Variants in ABCC10 observed in about 807,000 individuals in gnomAD.
The protein encoded by ABCC10 is ATP-binding cassette sub-family C member 10.
Under a neutral mutation model 143.2 loss-of-function variants are expected in ABCC10, and 110 were observed. The ratio of observed to expected loss-of-function variants is 0.77; its 90% confidence interval spans 0.66 to 0.90. The LOEUF is 0.90. Among genes scored for constraint, ABCC10 ranks in the 40% least tolerant of loss-of-function variants. The pLI is 0.00. For synonymous variants in ABCC10, 805 were observed against 846.7 expected (o/e 0.95, Z 0.85); for missense variants, 1,700 against 1,900.5 (o/e 0.89, Z 1.96).
In ABCC10 at chr6:43,450,327, G is replaced by A. The variant is rs1355738163; in HGVS notation, c.*236G>A. Reference sequence around the variant, plus strand: ...CCCTCTTGCATCTGGAACGCCAGGTGGGTTTTTCTGGCATAGGAGCCCACT... The same window carrying A: ...CCCTCTTGCATCTGGAACGCCAGGTAGGTTTTTCTGGCATAGGAGCCCACT... On this transcript the variant is annotated 3_prime_UTR_variant, in exon 22 of 22. Coordinates refer to ENST00000372530, the MANE Select transcript of ABCC10 (RefSeq NM_001198934.2). This position sits in a 1 kb window ranked among gnomAD's most constrained non-coding sequence, Gnocchi z 4.5. 2 of 838,784 alleles carry A rather than the reference G, an allele frequency of 2.4e-6. No individual in the cohort carries two copies. Among genetic ancestry groups the A allele is most frequent in the Non-Finnish European group, 3.5e-6 (2 of 573,650 alleles). 52.0% of individuals were successfully genotyped at this position (838,784 alleles called of 1,614,324 possible).
chr6:43,440,415 A>T (rs889989223), intron 8 of ABCC10, among the ~76,000 whole-genome samples: 1 of 152,160 alleles, frequency 6.6e-6, no homozygotes, highest in Non-Finnish European at 1.5e-5. Flanking sequence ...TTTGTTGTTC[A>T]TCTCTTTCCT....
chr6:43,449,834 G>C, intron 21 of ABCC10, 95 bp from the exon 22 acceptor site: 4 of 1,419,652 alleles, frequency 2.8e-6, no homozygotes, highest in Non-Finnish European at 3.9e-6. Context: ...GGACAGACCT[G>C]TGGTGTCCCG....
intron 15 of ABCC10, 77 bp downstream of exon 15, chr6:43,446,019 A>C (rs1243584178): frequency 6.8e-7 from 1 of 1,467,606 alleles, no homozygotes; most frequent in Non-Finnish European, 9.2e-7. Context: ...AGGAATATGC[A>C]GGGTATGGTT....
chr6:43,444,081 T>A, intron 11 of ABCC10, 71 bp downstream of exon 11: 2 of 1,608,814 alleles, frequency 1.2e-6, no homozygotes. Flanking sequence ...CTACAACGGC[T>A]GCCCGCTCCT....
At chr6:43,437,514 T>C (rs1054243443) in intron 6 of ABCC10, among the ~76,000 whole-genome samples, 1 of 151,072 alleles carries the variant, frequency 6.6e-6, no homozygotes, top group Non-Finnish European at 1.5e-5. Flanking sequence ...CTCTGCTTTT[T>C]CCCCTGAGAT....
At chr6:43,447,641 A>C in intron 17 of ABCC10, 43 bp from the exon 18 acceptor site, 1 of 1,608,762 alleles carries the variant, frequency 6.2e-7, no homozygotes, top group Non-Finnish European at 8.5e-7. Flanking sequence ...CATCTCCCCT[A>C]TCTCCCTTTC....
In ABCC10 at chr6:43,433,352, C is replaced by T. The variant is rs138248684; in HGVS notation, c.1372C>T (p.Arg458Trp). 3.5e-4 allele frequency: 570 copies of T among 1,607,830 alleles called. 1 individual carries two copies. The highest frequency in any genetic ancestry group is 8.3e-4 in the Middle Eastern group (5 of 6,034). Residue 458 changes from arginine to tryptophan, a missense_variant, in exon 3 of 22, where the codon CGG (arginine) becomes TGG (tryptophan). Physicochemically the swap from Arg to Trp is moderately radical, Grantham distance 101. Coordinates refer to ENST00000372530, the MANE Select transcript of ABCC10 (RefSeq NM_001198934.2). ...NQEMLQHKDARVKLVTELLSG... is the reference protein window; with the variant it reads ...NQEMLQHKDAWVKLVTELLSG... ...GGAAATGCTACAGCACAAGGATGCG[C>T]GGGTTAAGGTGAGCGGGTACTTGGG...
intron 2 of ABCC10, 129 bp downstream of exon 2, chr6:43,428,268 A>G (rs1409496597): frequency 3.6e-6 from 4 of 1,118,800 alleles, no homozygotes; most frequent in Admixed American, 6.0e-5. Context: ...ATAAAATCTA[A>G]GCATTGCTAC....
chr6:43,438,854 C>T (rs1581739601), intron 8 of ABCC10, 59 bp downstream of exon 8: 2 of 1,581,820 alleles, frequency 1.3e-6, no homozygotes, highest in East Asian at 4.5e-5. Flanking sequence ...CCTGACACCT[C>T]AAACCAGGAG....
rs996966896 is a variant in ABCC10 at position 43,431,888 on chromosome 6, G to C, written c.162-254G>C. The C allele has an allele frequency of 3.0e-6, 4 of 1,350,402 alleles. No homozygotes were observed. The Admixed American group carries it at 1.4e-4, about 46-fold the overall frequency. 83.7% of individuals were successfully genotyped at this position (1,350,402 alleles called of 1,614,324 possible). On this transcript the variant is annotated intron_variant, in intron 2 of 21. Transcript: ENST00000372530. ...TAAAAAAAAACATGAATCAGAAATG[G>C]TGTGGGTAGTTTAGAAAATGAGTTA...
At chr6:43,437,750 C>T (rs924619769) in intron 6 of ABCC10, among the ~76,000 whole-genome samples, 184 bp from the exon 7 acceptor site, 1 of 151,754 alleles carries the variant, frequency 6.6e-6, no homozygotes, top group Non-Finnish European at 1.5e-5. Context: ...AAACACCCTA[C>T]TTTTCTAGAG....
intron 5 of ABCC10, 79 bp downstream of exon 5, chr6:43,435,986 C>T (rs943362419): frequency 1.2e-6 from 2 of 1,602,702 alleles, no homozygotes; most frequent in African/African-American, 1.3e-5. Context: ...GCATAGATGT[C>T]ACCAAGAGGG....
At chr6:43,437,233 C>T (rs1305880789) in intron 6 of ABCC10, among the ~76,000 whole-genome samples, 1 of 152,040 alleles carries the variant, frequency 6.6e-6, no homozygotes, top group East Asian at 1.9e-4. Flanking sequence ...GAGAAGCTGC[C>T]TCTGGGACCT....
intron 9 of ABCC10, 76 bp downstream of exon 9, chr6:43,442,036 AGG>A: frequency 7.7e-7 from 1 of 1,303,316 alleles, no homozygotes; most frequent in Non-Finnish European, 1.1e-6. Flanking sequence ...CTGAGTTAGG[AGG>A]ATAGGAATAT....
rs1228460727 is a variant in ABCC10 at position 43,445,197 on chromosome 6, T to TGCGA, written c.2914_2917dup (p.Thr973SerfsTer60). ...ACATCCGTTTCTACCTCACCGTGTA[T>TGCGA]GCGACCATTGCTGGTGTAAATTCCC... is the stretch of plus-strand genomic sequence containing the variant. On this transcript the variant is annotated frameshift_variant, in exon 14 of 22. Coordinates refer to ENST00000372530, the MANE Select transcript of ABCC10 (RefSeq NM_001198934.2). LOFTEE classifies it high-confidence loss of function. 1.9e-6 allele frequency: 3 copies of TGCGA among 1,613,942 alleles called. No individual in the cohort carries two copies. Among genetic ancestry groups the TGCGA allele is most frequent in the Non-Finnish European group, 1.7e-6 (2 of 1,179,982 alleles).
chr6:43,437,512 T>C (rs934752343), intron 6 of ABCC10, among the ~76,000 whole-genome samples: 10 of 151,782 alleles, frequency 6.6e-5, no homozygotes, highest in African/African-American at 2.4e-4. Flanking sequence ...AGCTCTGCTT[T>C]TTCCCCTGAG....
rs1207566699 is a variant in ABCC10, at chr6:43,443,802, A to G, written c.2417-131A>G. 5.1e-5 allele frequency: 47 copies of G among 915,006 alleles called. No homozygotes were observed. Among genetic ancestry groups the G allele is most frequent in the Non-Finnish European group, 8.0e-5 (45 of 560,788 alleles). 56.7% of individuals were successfully genotyped at this position (915,006 alleles called of 1,614,324 possible). A position where few individuals can be genotyped will look rare whatever the true frequency, so the allele number is the denominator to read the frequency against. On this transcript the variant is annotated intron_variant, in intron 10 of 21. Coordinates refer to ENST00000372530, the MANE Select transcript of ABCC10 (RefSeq NM_001198934.2). The surrounding 1 kb of genome is among the most constrained non-coding windows in gnomAD (Gnocchi z 4.2). ...GGCCTAAGAGTCCTGCTCGAGGTCT[A>G]GGGGTATCCTGCTAGGGTGGGTTAG... is the stretch of plus-strand genomic sequence containing the variant.
intron 2 of ABCC10, among the ~76,000 whole-genome samples, chr6:43,429,410 G>GTGTGT (rs555695734): frequency 2.4e-3 from 79 of 33,364 alleles, no homozygotes; most frequent in Non-Finnish European, 2.9e-3. Flanking sequence ...GTGTGTGTGT[G>GTGTGT]GCGGGGGGGA....
intron 8 of ABCC10, among the ~76,000 whole-genome samples, chr6:43,439,574 CGTTTT>C (rs964023150): frequency 2.0e-5 from 3 of 151,326 alleles, no homozygotes; most frequent in African/African-American, 7.3e-5. Context: ...AGCTAATTTT[CGTTTT>C]GTTTTGTTTT....
Sources: gnomAD v4.1 joint callset for allele counts (sites outside exome capture counted in the v4.1 genomes callset) on GRCh38, gnomAD v4.1.1 for gene constraint, Gnocchi (gnomAD v3.1) non-coding constraint, MANE v1.5 for transcripts, NCBI Gene and HGNC (gene_info 2026-07-23, HGNC 2026-07-21) for gene names.